Variants in CNTNAP5 observed in about 807,000 individuals in gnomAD.
CNTNAP5 encodes contactin associated protein family member 5, also known as contactin-associated protein-like 5.
Under a neutral mutation model 150.2 loss-of-function variants are expected in CNTNAP5, and 72 were observed. That is an observed-to-expected ratio of 0.48 (90% CI 0.40 to 0.58). The LOEUF (loss-of-function observed/expected upper bound fraction) is 0.58, where lower values mean the gene tolerates loss of function less well. Among genes scored for constraint, CNTNAP5 ranks in the 20% least tolerant of loss-of-function variants. The pLI, the probability that CNTNAP5 is intolerant of heterozygous loss-of-function variation, is 0.00. For missense variants in CNTNAP5, 1,636 were observed against 1,626.2 expected (o/e 1.01, Z -0.10); for synonymous variants, 672 against 619.8 (o/e 1.08, Z -1.25).
At chr2:124,801,067 A>G (rs1453924402) in intron 19 of CNTNAP5, among the ~76,000 whole-genome samples, 8 of 152,154 alleles carry the variant, frequency 5.3e-5, no homozygotes, top group Admixed American at 5.2e-4. Flanking sequence ...TGCTCCAGGG[A>G]ACCCATAGCA....
At chr2:124,555,743 A>G (rs561276760) in intron 10 of CNTNAP5, among the ~76,000 whole-genome samples, 2 of 152,356 alleles carry the variant, frequency 1.3e-5, no homozygotes, top group African/African-American at 4.8e-5. Context: ...GTCATGTGCA[A>G]AAAATGTAAA....
rs142023709 is a variant in CNTNAP5 at position 124,099,275 on chromosome 2, C to T, written c.82+73543C>T. Among the ~76,000 whole-genome samples, 877 of 152,294 alleles carry T rather than the reference C, an allele frequency of 5.8e-3. 4 individuals carry two copies. Among genetic ancestry groups the T allele is most frequent in the Middle Eastern group, 0.017 (5 of 294 alleles). On this transcript the variant is annotated intron_variant, in intron 1 of 23. Coordinates refer to ENST00000682447, the MANE Select transcript of CNTNAP5 (RefSeq NM_001367498.1). ...ACTATTCCCATATCCAGGAAGACTC[C>T]GCATAGCACACAGCTTAGGTGAAAT...
chr2:124,424,706 A>AGAT (rs1205503636), intron 4 of CNTNAP5, among the ~76,000 whole-genome samples: 2 of 152,226 alleles, frequency 1.3e-5, no homozygotes, highest in Non-Finnish European at 2.9e-5. Context: ...CTCCTTCAAC[A>AGAT]GTCAACAAAC....
At chr2:124,531,548 G>C (rs62172620) in intron 10 of CNTNAP5, among the ~76,000 whole-genome samples, 26,078 of 152,146 alleles carry the variant, frequency 0.17, 2,950 homozygotes, top group Non-Finnish European at 0.24. Context: ...ATCTATCCCT[G>C]AGTAGGATAT....
At chr2:124,695,376 T>C (rs917811335) in intron 13 of CNTNAP5, among the ~76,000 whole-genome samples, 2 of 152,216 alleles carry the variant, frequency 1.3e-5, no homozygotes, top group Non-Finnish European at 2.9e-5. Context: ...TCATCAGTTG[T>C]AAGTTTGTGT....
intron 1 of CNTNAP5, among the ~76,000 whole-genome samples, chr2:124,044,098 T>A (rs1396114641): frequency 6.6e-6 from 1 of 152,242 alleles, no homozygotes; most frequent in African/African-American, 2.4e-5. Flanking sequence ...TCTATTTTCA[T>A]TCAGAGTACA....
At chr2:124,703,956 A>G (rs923542462) in intron 13 of CNTNAP5, among the ~76,000 whole-genome samples, 1 of 152,184 alleles carries the variant, frequency 6.6e-6, no homozygotes, top group African/African-American at 2.4e-5. Flanking sequence ...TTAAATTTCC[A>G]TCCACAGATG....
At chr2:124,845,068 G>T (rs1683020935) in intron 19 of CNTNAP5, among the ~76,000 whole-genome samples, 1 of 151,990 alleles carries the variant, frequency 6.6e-6, no homozygotes, top group Admixed American at 6.6e-5. Flanking sequence ...TTCTCAGGGG[G>T]AATACTTTCA....
chr2:124,104,004 T>C (rs1470315815), intron 1 of CNTNAP5, among the ~76,000 whole-genome samples: 2 of 147,846 alleles, frequency 1.4e-5, no homozygotes, highest in African/African-American at 4.9e-5. Context: ...ATATGAATTA[T>C]ATATTTATAT....
intron 1 of CNTNAP5, among the ~76,000 whole-genome samples, chr2:124,181,081 A>T (rs145043981): frequency 2.6e-5 from 4 of 152,274 alleles, no homozygotes; most frequent in African/African-American, 7.2e-5. Context: ...AGACCAATAC[A>T]TTAACAAGAA....
At chr2:124,376,162 G>A (rs945665473) in intron 3 of CNTNAP5, among the ~76,000 whole-genome samples, 4 of 152,116 alleles carry the variant, frequency 2.6e-5, no homozygotes, top group East Asian at 1.9e-4. Context: ...CAAAGCAACC[G>A]TCTATACCAA....
At chr2:124,464,184 G>C (rs945047050) in intron 6 of CNTNAP5, among the ~76,000 whole-genome samples, 1 of 152,064 alleles carries the variant, frequency 6.6e-6, no homozygotes, top group African/African-American at 2.4e-5. Context: ...TAGTAGGAGG[G>C]ATGTGAGCCT....
At chr2:124,126,177 T>C (rs1250037276) in intron 1 of CNTNAP5, among the ~76,000 whole-genome samples, 1 of 151,544 alleles carries the variant, frequency 6.6e-6, no homozygotes, top group Non-Finnish European at 1.5e-5. Context: ...GCAAGACTAA[T>C]AAAGAAGAAA....
chr2:124,063,436 A>G (rs1460206180), intron 1 of CNTNAP5, among the ~76,000 whole-genome samples: 1 of 152,110 alleles, frequency 6.6e-6, no homozygotes, highest in East Asian at 1.9e-4. Flanking sequence ...TTTCAAAAAC[A>G]TTTATTGAAA....
chr2:124,489,779 T>G (rs971329357), intron 7 of CNTNAP5, among the ~76,000 whole-genome samples: 7 of 152,118 alleles, frequency 4.6e-5, no homozygotes, highest in African/African-American at 1.7e-4. Flanking sequence ...GCTTGAGGTA[T>G]TCTATCTGCA....
chr2:124,450,327 T>G (rs984955872), intron 6 of CNTNAP5, among the ~76,000 whole-genome samples: 1 of 152,036 alleles, frequency 6.6e-6, no homozygotes, highest in African/African-American at 2.4e-5. Context: ...AATATAATTA[T>G]GCAAACCTAT....
At chr2:124,538,558 A>G (rs568181110) in intron 10 of CNTNAP5, among the ~76,000 whole-genome samples, 3 of 151,576 alleles carry the variant, frequency 2.0e-5, no homozygotes, top group Non-Finnish European at 2.9e-5. Flanking sequence ...GAGAGAAAGA[A>G]AGAAAAGAAA....
chr2:124,053,938 C>T (rs1171127143), intron 1 of CNTNAP5, among the ~76,000 whole-genome samples: 11 of 152,142 alleles, frequency 7.2e-5, no homozygotes, highest in Admixed American at 7.2e-4. Context: ...CTAGTTTCTC[C>T]AAGTTGTGGC....
At chr2:124,782,569 T>G (rs886894699) in intron 17 of CNTNAP5, among the ~76,000 whole-genome samples, 3 of 152,206 alleles carry the variant, frequency 2.0e-5, no homozygotes, top group Non-Finnish European at 4.4e-5. Flanking sequence ...ATCCCAGGAC[T>G]GGGAGAATTT....
Sources: gnomAD v4.1 joint callset for allele counts (sites outside exome capture counted in the v4.1 genomes callset) on GRCh38, gnomAD v4.1.1 for gene constraint, MANE v1.5 for transcripts, NCBI Gene and HGNC (gene_info 2026-07-23, HGNC 2026-07-21) for gene names.